FAM120A: variants seen among roughly 807,000 people sequenced by gnomAD.
FAM120A encodes family with sequence similarity 120 member A.
In FAM120A, 15 loss-of-function variants were observed where a neutral mutation model predicts 109.7. The observed-to-expected ratio is 0.14, with a 90% CI of 0.09 to 0.21. The LOEUF is 0.21. Ranked by LOEUF, FAM120A falls within the 10% of genes least tolerant of loss-of-function variation. The pLI is 1.00. For missense variants in FAM120A, 899 were observed against 1,439.3 expected, an observed-to-expected ratio of 0.62 and a Z score of 6.07; for synonymous variants, 493 against 572.8, an observed-to-expected ratio of 0.86 and a Z score of 1.99.
rs141842715 is a variant in FAM120A, at chr9:93,536,223, G to C, written c.1909+3894G>C. Among the ~76,000 whole-genome samples the C allele has an allele frequency of 7.7e-4, 117 of 152,282 alleles. 2 individuals carry two copies. In the East Asian group the frequency reaches 0.02, roughly 27 times the overall value. ...ATGGAGGTTGAATGAAATTATTGGCGTACTGGAAGAAGATCCATAAGCCAA... is the reference window on the plus strand; with the variant it reads ...ATGGAGGTTGAATGAAATTATTGGCCTACTGGAAGAAGATCCATAAGCCAA... On this transcript the variant is annotated intron_variant, in intron 10 of 17. Transcript: ENST00000277165.
intron 7 of FAM120A, among the ~76,000 whole-genome samples, chr9:93,517,682 A>G (rs1860659167): frequency 6.6e-6 from 1 of 152,226 alleles, no homozygotes; most frequent in Non-Finnish European, 1.5e-5. Context: ...TGACCCCAAC[A>G]AGAGTTCCAT....
In FAM120A at chr9:93,478,545, C is replaced by T. The variant is rs529517647; in HGVS notation, c.804+2207C>T. On this transcript the variant is annotated intron_variant, in intron 3 of 17. Coordinates refer to ENST00000277165, the MANE Select transcript of FAM120A (RefSeq NM_014612.5). ...AGGATGGAGTACAGGGGTGAGATCT[C>T]GGCTCACTGCAACCTCTGCCTCCAG... is the stretch of plus-strand genomic sequence containing the variant. Among the ~76,000 whole-genome samples, 14 of 151,244 alleles carry T rather than the reference C, an allele frequency of 9.3e-5. No individual in the cohort carries two copies. In the South Asian group the frequency reaches 1.5e-3, roughly 16 times the overall value.
intron 10 of FAM120A, among the ~76,000 whole-genome samples, chr9:93,537,837 T>C (rs190012449): frequency 2.0e-5 from 3 of 152,304 alleles, no homozygotes; most frequent in African/African-American, 7.2e-5. Context: ...ATTGTAAACA[T>C]TTTCCCCATG....
chr9:93,459,302 C>G (rs893313578), intron 1 of FAM120A, among the ~76,000 whole-genome samples: 1 of 152,238 alleles, frequency 6.6e-6, no homozygotes, highest in African/African-American at 2.4e-5. Flanking sequence ...CCCCATTATG[C>G]TTAGCATAGG....
chr9:93,479,962 A>G (rs755065523), intron 3 of FAM120A, among the ~76,000 whole-genome samples: 7 of 152,228 alleles, frequency 4.6e-5, no homozygotes, highest in Non-Finnish European at 7.3e-5. Flanking sequence ...TCATTGGGTA[A>G]TATCTGCAGA....
chr9:93,464,224 T>C (rs1857915329), intron 1 of FAM120A, among the ~76,000 whole-genome samples: 1 of 152,110 alleles, frequency 6.6e-6, no homozygotes, highest in Admixed American at 6.5e-5. Flanking sequence ...AGTTTGGGAG[T>C]TTTTAAGTCA....
chr9:93,516,616 C>T (rs975594881), intron 7 of FAM120A, among the ~76,000 whole-genome samples: 1 of 151,968 alleles, frequency 6.6e-6, no homozygotes, highest in Middle Eastern at 3.2e-3. Flanking sequence ...ACAGCAACCC[C>T]CTGCCGACCC....
Position 93,554,120 on chromosome 9 carries a change from T to TACACACACACACACACACACACACACAC in FAM120A, c.2275-2229_2275-2202dup, listed in dbSNP as rs10672125. ...ATCCTTTAATGTTAAGGCCATTTGATACACACACACACACACACACACACA... is the reference window on the plus strand; with the variant it reads ...ATCCTTTAATGTTAAGGCCATTTGATACACACACACACACACACACACACACACACACACACACACACACACACACACA... On this transcript the variant is annotated intron_variant, in intron 12 of 17. Transcript: ENST00000277165. 7.9e-4 allele frequency among the ~76,000 whole-genome samples: 69 copies of TACACACACACACACACACACACACACAC among 87,460 alleles called. 7 individuals are homozygous for TACACACACACACACACACACACACACAC. Among genetic ancestry groups the TACACACACACACACACACACACACACAC allele is most frequent in the East Asian group, 1.8e-3 (4 of 2,248 alleles). The allele number at this position is 87,460 out of a possible 152,430, so 57.4% of individuals were successfully genotyped here.
intron 3 of FAM120A, among the ~76,000 whole-genome samples, chr9:93,483,254 G>A (rs564852002): frequency 6.6e-5 from 10 of 151,996 alleles, no homozygotes; most frequent in Non-Finnish European, 1.0e-4. Context: ...TTAATAAGTC[G>A]TTATATTATA....
intron 2 of FAM120A, 131 bp downstream of exon 2, chr9:93,471,518 C>T (rs1858313859): frequency 8.9e-7 from 1 of 1,128,064 alleles, no homozygotes; most frequent in Non-Finnish European, 1.3e-6. Context: ...GGCGTGGGCT[C>T]TTCCTTAGCA....
Position 93,529,584 on chromosome 9 carries a change from T to C in FAM120A, c.1734+4T>C, listed in dbSNP as rs1390221118. On this transcript the variant is annotated splice_donor_region_variant and intron_variant, in intron 9 of 17. Transcript: ENST00000277165. Reference sequence around the variant, plus strand: ...CATCTTCCATGTCCTGACGAAGGTATTATCAAAGGGGCCCTGGAGTGGCTT... The same window carrying C: ...CATCTTCCATGTCCTGACGAAGGTACTATCAAAGGGGCCCTGGAGTGGCTT... 1.9e-6 allele frequency: 3 copies of C among 1,613,646 alleles called. No individual in the cohort carries two copies. Among genetic ancestry groups the C allele is most frequent in the South Asian group, 2.2e-5 (2 of 91,062 alleles).
At chr9:93,530,568 T>C (rs1177279521) in intron 9 of FAM120A, 2 of 152,212 alleles carry the variant, frequency 1.3e-5, no homozygotes, top group Non-Finnish European at 2.9e-5. Context: ...ATGGAAAACA[T>C]GTAGCCAGTA....
chr9:93,514,868 G>C (rs945907597), intron 5 of FAM120A, among the ~76,000 whole-genome samples: 1 of 152,344 alleles, frequency 6.6e-6, no homozygotes, highest in African/African-American at 2.4e-5. Context: ...AGGTTGAGTG[G>C]GGAGGCTTCC....
At chr9:93,486,097 T>A (rs943944973) in intron 3 of FAM120A, among the ~76,000 whole-genome samples, 1 of 152,108 alleles carries the variant, frequency 6.6e-6, no homozygotes, top group Non-Finnish European at 1.5e-5. Flanking sequence ...CTCAGCCTCC[T>A]TAGTAGCTAG....
intron 10 of FAM120A, among the ~76,000 whole-genome samples, chr9:93,534,144 G>T (rs1254882731): frequency 1.3e-5 from 2 of 152,196 alleles, no homozygotes; most frequent in Non-Finnish European, 2.9e-5. Flanking sequence ...CCCATCAGCT[G>T]TCTTGGTCTA....
Position 93,532,135 on chromosome 9 carries a change from C to T in FAM120A, c.1735-20C>T. 1 of 1,608,676 alleles carries T rather than the reference C, an allele frequency of 6.2e-7. No homozygotes were observed. Among genetic ancestry groups the T allele is most frequent in the African/African-American group, 1.3e-5 (1 of 74,858 alleles). ...AACATGAAAAATGTGCAATGTTATT[C>T]TGCTTTCTTCCATGCAAAGGGTGAA... On this transcript the variant is annotated intron_variant, in intron 9 of 17. Transcript: ENST00000277165. The surrounding 1 kb of genome is among the most constrained non-coding windows in gnomAD (Gnocchi z 4.3).
chr9:93,551,631 G>A (rs1349875525), intron 12 of FAM120A, among the ~76,000 whole-genome samples: 1 of 152,020 alleles, frequency 6.6e-6, no homozygotes, highest in Non-Finnish European at 1.5e-5. Context: ...CCATGGAGGG[G>A]AATTTTAGGC....
At chr9:93,483,989 G>A (rs1295306999) in intron 3 of FAM120A, among the ~76,000 whole-genome samples, 1 of 151,304 alleles carries the variant, frequency 6.6e-6, no homozygotes, top group African/African-American at 2.4e-5. Context: ...GAATTCTGAG[G>A]AATCTGCTGG....
At chr9:93,546,256 C>A (rs1252442945) in intron 11 of FAM120A, among the ~76,000 whole-genome samples, 4 of 151,954 alleles carry the variant, frequency 2.6e-5, no homozygotes, top group African/African-American at 9.7e-5. Flanking sequence ...TTGTATTTTT[C>A]TCTTCCAAGT....
Sources: gnomAD v4.1 joint callset for allele counts (sites outside exome capture counted in the v4.1 genomes callset) on GRCh38, gnomAD v4.1.1 for gene constraint, Gnocchi (gnomAD v3.1) non-coding constraint, MANE v1.5 for transcripts, NCBI Gene and HGNC (gene_info 2026-07-23, HGNC 2026-07-21) for gene names.